The following CDH13 variants were observed in gnomAD, a reference collection of about 807,000 sequenced individuals.
The protein encoded by CDH13 is cadherin-13.
Under a neutral mutation model 63.8 loss-of-function variants are expected in CDH13, and 24 were observed. That is an observed-to-expected ratio of 0.38 (90% CI 0.27 to 0.53). The LOEUF (loss-of-function observed/expected upper bound fraction) is 0.53. Among genes scored for constraint, CDH13 ranks in the 20% least tolerant of loss-of-function variants. The probability of loss-of-function intolerance (pLI) is 0.85; values close to 1 mark genes in which losing one functional copy is unlikely to be tolerated. For synonymous variants in CDH13, 503 were observed against 355.3 expected (o/e 1.42, Z -4.67); for missense variants, 1,049 against 903.1 (o/e 1.16, Z -2.07).
chr16:82,718,744 G>T (rs527669040), intron 1 of CDH13, among the ~76,000 whole-genome samples: 1 of 152,120 alleles, frequency 6.6e-6, no homozygotes, highest in African/African-American at 2.4e-5. Flanking sequence ...ATCAGATCTC[G>T]TGAGACGATC....
At chr16:83,622,752 G>T (rs181122906) in intron 8 of CDH13, among the ~76,000 whole-genome samples, 23 of 152,302 alleles carry the variant, frequency 1.5e-4, no homozygotes, top group Admixed American at 1.4e-3. Context: ...AATCATTAGT[G>T]AGATAATGTG....
chr16:83,087,697 A>AAAAAAAAAAAAAAAAAAAAC (rs1567817140), intron 3 of CDH13, among the ~76,000 whole-genome samples: 7 of 144,390 alleles, frequency 4.8e-5, no homozygotes, highest in African/African-American at 1.6e-4. Context: ...AAAAAAAAAA[A>AAAAAAAAAAAAAAAAAAAAC]GCCTAGCACC....
chr16:83,009,426 G>A (rs1311490423), intron 2 of CDH13, among the ~76,000 whole-genome samples: 1 of 152,126 alleles, frequency 6.6e-6, no homozygotes, highest in Admixed American at 6.5e-5. Context: ...AACTATTGTA[G>A]GTGTCTTTCT....
At chr16:82,932,776 T>C (rs1465372573) in intron 2 of CDH13, among the ~76,000 whole-genome samples, 1 of 152,140 alleles carries the variant, frequency 6.6e-6, no homozygotes, top group African/African-American at 2.4e-5. Context: ...AAGTGAAAAA[T>C]AATTTGGTAT....
chr16:83,516,467 G>C lies in CDH13; in HGVS notation c.960+29812G>C, dbSNP rs549049317. Among the ~76,000 whole-genome samples the C allele has an allele frequency of 2.6e-5, 4 of 152,294 alleles. No homozygotes were observed. The South Asian group carries it at 6.2e-4, about 24-fold the overall frequency. ...GCCAAGGATCTGATTTTATTTCAGAGTTCTGAAATGGAACTAAGTGTTACA... is the reference window on the plus strand; with the variant it reads ...GCCAAGGATCTGATTTTATTTCAGACTTCTGAAATGGAACTAAGTGTTACA... On this transcript the variant is annotated intron_variant, in intron 7 of 13. Coordinates refer to ENST00000567109, the MANE Select transcript of CDH13 (RefSeq NM_001257.5).
At chr16:83,226,073 G>A (rs929138406) in intron 5 of CDH13, among the ~76,000 whole-genome samples, 1 of 152,176 alleles carries the variant, frequency 6.6e-6, no homozygotes, top group African/African-American at 2.4e-5. Flanking sequence ...ACAAACGCTT[G>A]TCTTCTGAGT....
chr16:83,232,540 AAC>A (rs1485974390), intron 5 of CDH13, among the ~76,000 whole-genome samples: 7 of 136,870 alleles, frequency 5.1e-5, no homozygotes, highest in East Asian at 2.0e-4. Context: ...CGACAACAAC[AAC>A]AACAAACAAA....
At chr16:83,299,505 T>A (rs143588041) in intron 5 of CDH13, among the ~76,000 whole-genome samples, 120 of 152,356 alleles carry the variant, frequency 7.9e-4, no homozygotes, top group African/African-American at 2.8e-3. Context: ...TTCCGTGGCA[T>A]GTCATTCATC....
intron 1 of CDH13, among the ~76,000 whole-genome samples, chr16:82,635,823 C>A (rs75785521): frequency 6.6e-6 from 1 of 152,108 alleles, no homozygotes; most frequent in Non-Finnish European, 1.5e-5. Context: ...GGGCGGATTT[C>A]TCCTTGCTTT....
intron 1 of CDH13, among the ~76,000 whole-genome samples, chr16:82,855,829 C>G (rs567957581): frequency 6.6e-6 from 1 of 152,298 alleles, no homozygotes; most frequent in South Asian, 2.1e-4. Context: ...GAGATTGATT[C>G]TTGCTCCCTT....
chr16:83,206,078 C>G (rs2039173787), intron 4 of CDH13, among the ~76,000 whole-genome samples: 1 of 152,072 alleles, frequency 6.6e-6, no homozygotes, highest in Non-Finnish European at 1.5e-5. Flanking sequence ...TTGGGAAGGA[C>G]AGGCATGAAA....
chr16:82,874,480 T>A (rs1333192855), intron 2 of CDH13, among the ~76,000 whole-genome samples: 1 of 151,666 alleles, frequency 6.6e-6, no homozygotes, highest in Admixed American at 6.6e-5. Context: ...CTGCACCAGC[T>A]TTTTTCTTTT....
At chr16:83,723,308 A>T (rs1909937023) in intron 10 of CDH13, among the ~76,000 whole-genome samples, 1 of 152,204 alleles carries the variant, frequency 6.6e-6, no homozygotes, top group Non-Finnish European at 1.5e-5. Context: ...CATATAGAGA[A>T]GTAAAAGCTT....
chr16:82,993,593 C>T (rs1375220496), intron 2 of CDH13, among the ~76,000 whole-genome samples: 4 of 152,100 alleles, frequency 2.6e-5, no homozygotes, highest in East Asian at 1.9e-4. Context: ...GGATTAATAG[C>T]AAATAATTGC....
intron 1 of CDH13, among the ~76,000 whole-genome samples, chr16:82,830,328 A>T (rs1054577809): frequency 3.9e-5 from 6 of 152,242 alleles, no homozygotes; most frequent in Non-Finnish European, 8.8e-5. Flanking sequence ...AGGCTCTGTT[A>T]TGACATACCT....
intron 8 of CDH13, among the ~76,000 whole-genome samples, chr16:83,625,219 CGT>C (rs1376189636): frequency 7.0e-6 from 1 of 142,028 alleles, no homozygotes; most frequent in African/African-American, 2.6e-5. Flanking sequence ...TGTGTGCACA[CGT>C]GTGTCTATGT....
intron 6 of CDH13, among the ~76,000 whole-genome samples, chr16:83,401,783 C>T (rs527321743): frequency 1.3e-5 from 2 of 152,310 alleles, no homozygotes; most frequent in Non-Finnish European, 2.9e-5. Context: ...AGAATTATCT[C>T]ATTTTGTGCT....
chr16:83,544,300 C>A (rs2075344396), intron 7 of CDH13, among the ~76,000 whole-genome samples: 1 of 152,096 alleles, frequency 6.6e-6, no homozygotes, highest in Non-Finnish European at 1.5e-5. Flanking sequence ...TGATTTTAAT[C>A]CCTGTGTAGT....
chr16:83,544,053 G>A (rs777774390), intron 7 of CDH13, among the ~76,000 whole-genome samples: 1 of 152,190 alleles, frequency 6.6e-6, no homozygotes, highest in Non-Finnish European at 1.5e-5. Flanking sequence ...ATGAGAAAGT[G>A]AGCTGCACCC....
Sources: gnomAD v4.1 joint callset for allele counts (sites outside exome capture counted in the v4.1 genomes callset) on GRCh38, gnomAD v4.1.1 for gene constraint, MANE v1.5 for transcripts, NCBI Gene and HGNC (gene_info 2026-07-23, HGNC 2026-07-21) for gene names.